EXOC6: variants seen among roughly 807,000 people sequenced by gnomAD.
EXOC6 encodes exocyst complex component 6, also known as SEC15-like 1.
In EXOC6, 60 loss-of-function variants were observed where a neutral mutation model predicts 112.5. The ratio of observed to expected loss-of-function variants is 0.53; its 90% CI spans 0.43 to 0.66. EXOC6 has a LOEUF of 0.66. Ranked by LOEUF, EXOC6 falls within the 30% of genes least tolerant of loss-of-function variation. The pLI is 0.00. For missense variants in EXOC6, 855 were observed against 957.1 expected (o/e 0.89, Z 1.41); for synonymous variants, 295 against 308.0 (o/e 0.96, Z 0.44).
At chr10:93,037,913 G>A (rs1289983676) in intron 20 of EXOC6, among the ~76,000 whole-genome samples, 2 of 150,580 alleles carry the variant, frequency 1.3e-5, no homozygotes, top group Middle Eastern at 3.2e-3. Flanking sequence ...GGTGGCGGGC[G>A]CCCGTAATCC....
intron 21 of EXOC6, among the ~76,000 whole-genome samples, chr10:93,057,682 A>G (rs1846610796): frequency 6.6e-6 from 1 of 152,198 alleles, no homozygotes; most frequent in Non-Finnish European, 1.5e-5. Flanking sequence ...ATAAAAAAGT[A>G]TCACTATTAA....
chr10:93,017,275 G>T (rs974783715), intron 20 of EXOC6, among the ~76,000 whole-genome samples: 4 of 151,966 alleles, frequency 2.6e-5, no homozygotes, highest in Non-Finnish European at 4.4e-5. Context: ...GGGAGGGTGG[G>T]AGAAGGGATG....
chr10:92,938,408 CTA>C (rs1852474757), intron 12 of EXOC6, among the ~76,000 whole-genome samples: 1 of 152,028 alleles, frequency 6.6e-6, no homozygotes, highest in Admixed American at 6.6e-5. Flanking sequence ...AAATTTATAA[CTA>C]TTAATTGAAG....
At chr10:93,033,349 C>G (rs1158162090) in intron 20 of EXOC6, among the ~76,000 whole-genome samples, 3 of 152,164 alleles carry the variant, frequency 2.0e-5, no homozygotes, top group Admixed American at 6.6e-5. Context: ...TCCCAGCAGA[C>G]TCAGAGATTT....
intron 20 of EXOC6, among the ~76,000 whole-genome samples, chr10:93,048,494 G>T (rs974186900): frequency 4.0e-5 from 6 of 151,856 alleles, no homozygotes; most frequent in African/African-American, 1.5e-4. Context: ...GCTAAATGAC[G>T]AGTTAATGGG....
chr10:92,848,443 C>CCCCCCCCCCCCAA, upstream of EXOC6: 6 of 903,764 alleles, frequency 6.6e-6, no homozygotes, highest in Non-Finnish European at 5.5e-6. Flanking sequence ...GCCCCGCCCC[C>CCCCCCCCCCCCAA]GCCCCGCCCC....
rs1322679019 is a variant in EXOC6 at position 92,976,676 on chromosome 10, A to AT, written c.1953+2446dup. Among the ~76,000 whole-genome samples, 727 of 146,122 alleles carry AT rather than the reference A, an allele frequency of 5.0e-3. 5 individuals are homozygous for AT. Among genetic ancestry groups the AT allele is most frequent in the African/African-American group, 0.016 (636 of 39,178 alleles). ...TGATCAGTAAAAAAAAAAATAATAA[A>AT]TTAAAAAAAAAAAAACATAATTAAT... On this transcript the variant is annotated intron_variant, in intron 18 of 21. Transcript: ENST00000260762.
chr10:93,056,996 CT>C lies in EXOC6; in HGVS notation c.2244del (p.Arg749GlyfsTer2). ...TTATGGGCAGCCAGCTTCTAAGTAC[CT>C]TCGGGTGAATCCAAACACAGCCCTT... Reference protein sequence around the residue: ...ADYGQPASKYLRVNPNTALTL... With the variant: ...ADYGQPASKYXRVNPNTALTL... On this transcript the variant is annotated frameshift_variant, in exon 21 of 22. Coordinates refer to ENST00000260762, the MANE Select transcript of EXOC6 (RefSeq NM_019053.6). LOFTEE classifies it high-confidence loss of function. 1 of 1,594,874 alleles carries C rather than the reference CT, an allele frequency of 6.3e-7. No homozygotes were observed.
intron 5 of EXOC6, among the ~76,000 whole-genome samples, chr10:92,906,967 T>A (rs1428680964): frequency 6.6e-6 from 1 of 152,180 alleles, no homozygotes; most frequent in African/African-American, 2.4e-5. Context: ...CTGTTTTTGC[T>A]TGCATTTAGA....
intron 1 of EXOC6, among the ~76,000 whole-genome samples, chr10:92,884,407 G>C (rs1849109654): frequency 2.0e-5 from 3 of 152,182 alleles, no homozygotes. Flanking sequence ...AAGTCAGCCA[G>C]TGACTAGCAT....
At position 92,931,643 on chromosome 10, in the gene EXOC6, A is replaced by G. The variant is rs568931360; in HGVS notation, c.973-2501A>G. 3.5e-3 allele frequency among the ~76,000 whole-genome samples: 527 copies of G among 151,658 alleles called. 1 individual carries two copies. The highest frequency in any genetic ancestry group is 5.7e-3 in the Non-Finnish European group (384 of 67,776). On this transcript the variant is annotated intron_variant, in intron 9 of 21. Coordinates refer to ENST00000260762, the MANE Select transcript of EXOC6 (RefSeq NM_019053.6). Reference sequence around the variant, plus strand: ...GAATGGACAAAAGATTTGAATAGACATTTTACCAAAGATAAACTGATGGCA... The same window carrying G: ...GAATGGACAAAAGATTTGAATAGACGTTTTACCAAAGATAAACTGATGGCA...
chr10:93,047,535 C>T (rs1312864664), intron 20 of EXOC6, among the ~76,000 whole-genome samples: 2 of 151,148 alleles, frequency 1.3e-5, no homozygotes. Flanking sequence ...GGCTATGTCT[C>T]AAACAAAACA....
rs567029483 is a variant in EXOC6 at position 92,861,076 on chromosome 10, A to G, written c.101+12442A>G. ...TTTAGCTTATTACTCTCATGAAGCT[A>G]CCAACCTCCTTTCAATTGCTTAATA... On this transcript the variant is annotated intron_variant, in intron 1 of 21. Coordinates refer to ENST00000260762, the MANE Select transcript of EXOC6 (RefSeq NM_019053.6). Among the ~76,000 whole-genome samples the G allele has an allele frequency of 1.1e-4, 17 of 152,320 alleles. No individual in the cohort carries two copies. In the South Asian group the frequency reaches 3.5e-3, roughly 32 times the overall value.
chr10:92,844,484 C>G (rs976513864), upstream of EXOC6, among the ~76,000 whole-genome samples: 2 of 152,154 alleles, frequency 1.3e-5, no homozygotes, highest in South Asian at 2.1e-4. Context: ...AGAATCCAAC[C>G]CAAAGACATG....
intron 1 of EXOC6, among the ~76,000 whole-genome samples, chr10:92,877,614 A>G (rs1848738757): frequency 6.6e-6 from 1 of 152,088 alleles, no homozygotes; most frequent in Non-Finnish European, 1.5e-5. Flanking sequence ...TTTCAACTTC[A>G]TGTTTTCTTT....
chr10:93,041,619 G>A (rs1309035840), intron 20 of EXOC6, among the ~76,000 whole-genome samples: 2 of 151,940 alleles, frequency 1.3e-5, no homozygotes, highest in Admixed American at 6.6e-5. Context: ...TTACCACATC[G>A]GCCAGGTTGG....
At chr10:92,840,425 A>C (rs1463950319) in intron 1 of EXOC6, among the ~76,000 whole-genome samples, 1 of 152,206 alleles carries the variant, frequency 6.6e-6, no homozygotes, top group African/African-American at 2.4e-5. Context: ...TAGGGTGCTT[A>C]GCATAATAGT....
At chr10:92,981,489 A>G (rs970820207) in intron 18 of EXOC6, among the ~76,000 whole-genome samples, 1 of 152,238 alleles carries the variant, frequency 6.6e-6, no homozygotes, top group Admixed American at 6.5e-5. Flanking sequence ...ACATGTGTTT[A>G]TCACTAAAGG....
intron 12 of EXOC6, 68 bp from the exon 13 acceptor site, chr10:92,940,659 T>G (rs930776314): frequency 1.1e-5 from 11 of 1,005,978 alleles, no homozygotes; most frequent in Non-Finnish European, 1.3e-5. Flanking sequence ...TTCTCTAGTA[T>G]TCCCAACATT....
Sources: allele counts gnomAD v4.1 joint callset (sites outside exome capture counted in the v4.1 genomes callset), GRCh38; gene constraint gnomAD v4.1.1; transcripts MANE v1.5; gene names NCBI Gene and HGNC (gene_info 2026-07-23, HGNC 2026-07-21).